Variants in ZNF331 observed in about 807,000 individuals in gnomAD.
The protein encoded by ZNF331 is C2H2-like zinc finger protein rearranged in thyroid adenomas.
Under a neutral mutation model 7.0 loss-of-function variants are expected in ZNF331, and 2 were observed. The ratio of observed to expected loss-of-function variants is 0.29; its 90% CI spans 0.12 to 0.90. ZNF331 has a LOEUF of 0.90. ZNF331 is among the 40% of genes least tolerant of loss of function. The pLI, the probability that ZNF331 is intolerant of heterozygous loss-of-function variation, is 0.58. For missense variants in ZNF331, 432 were observed against 587.7 expected, an observed-to-expected ratio of 0.74 and a Z score of 2.74; for synonymous variants, 196 against 205.4, an observed-to-expected ratio of 0.95 and a Z score of 0.39.
chr19:53,566,801 G>A (rs1210952047), intron 3 of ZNF331, among the ~76,000 whole-genome samples: 1 of 140,236 alleles, frequency 7.1e-6, no homozygotes, highest in Non-Finnish European at 1.6e-5. Flanking sequence ...TTTGCATAAG[G>A]GGTCGTAGAA....
At chr19:53,576,546 G>A in intron 5 of ZNF331, 151 bp from the exon 6 acceptor site, 1 of 645,418 alleles carries the variant, frequency 1.5e-6, no homozygotes, top group Non-Finnish European at 2.6e-6. Flanking sequence ...TGTACCAGAA[G>A]TAGAATCTAC....
intron 3 of ZNF331, among the ~76,000 whole-genome samples, chr19:53,568,378 G>A (rs1408850532): frequency 2.0e-5 from 3 of 152,058 alleles, no homozygotes; most frequent in South Asian, 2.1e-4. Context: ...ACCAACTATC[G>A]CCAACTAGAG....
Position 53,578,319 on chromosome 19 carries a change from A to AT in ZNF331, c.*369dup, listed in dbSNP as rs2090810261. 3.9e-6 allele frequency: 1 copy of AT among 253,756 alleles called. No homozygotes were observed. Among genetic ancestry groups the AT allele is most frequent in the African/African-American group, 2.2e-5 (1 of 46,126 alleles). 15.7% of individuals were successfully genotyped at this position (253,756 alleles called of 1,614,324 possible). ...GAGAGCAGGAGTAGTGATGCTGGTGATTCGGATATGCCAAAGAGAAGCCAC... is the reference window on the plus strand; with the variant it reads ...GAGAGCAGGAGTAGTGATGCTGGTGATTTCGGATATGCCAAAGAGAAGCCAC... On this transcript the variant is annotated 3_prime_UTR_variant, in exon 6 of 6. Transcript: ENST00000449416.
Position 53,558,880 on chromosome 19 carries a change from ATATACACACATATACACACC to A in ZNF331, c.-74+2982_-74+3001del, listed in dbSNP as rs1429089706. On this transcript the variant is annotated intron_variant, in intron 3 of 5. Transcript: ENST00000449416. The surrounding 1 kb of genome is among the most constrained non-coding windows in gnomAD (Gnocchi z 4.5). ...ACACATATACACACACATACCCCAT[ATATACACACATATACACACC>A]TATACACACCTACATATATACACAC... Among the ~76,000 whole-genome samples the A allele has an allele frequency of 8.7e-6, 1 of 114,306 alleles. No homozygotes were observed. The highest frequency in any genetic ancestry group is 1.7e-5 in the Non-Finnish European group (1 of 58,586). The allele number at this position is 114,306 out of a possible 152,430, so 75.0% of individuals were successfully genotyped here.
At chr19:53,559,770 A>G (rs1436127356) in intron 3 of ZNF331, among the ~76,000 whole-genome samples, 4 of 62,224 alleles carry the variant, frequency 6.4e-5, no homozygotes, top group Non-Finnish European at 1.2e-4. Flanking sequence ...ACACATACCC[A>G]TATATACATA....
chr19:53,575,139 A>T (rs1329026545), intron 5 of ZNF331, among the ~76,000 whole-genome samples: 1 of 151,178 alleles, frequency 6.6e-6, no homozygotes, highest in Non-Finnish European at 1.5e-5. Context: ...GGGTTTTGCT[A>T]TGTTTCCCAG....
In ZNF331 at chr19:53,539,002, CAG is replaced by C. The variant is rs146553572; in HGVS notation, c.-204-213_-204-212del. ...CTGTGCATGCAGGCCACCTGAGTGA[CAG>C]GGGACGGTGGCCTCAGGAGTAGAAT... On this transcript the variant is annotated intron_variant, in intron 1 of 5. Coordinates refer to ENST00000449416, the MANE Select transcript of ZNF331 (RefSeq NM_001079906.2). The surrounding 1 kb of genome is among the most constrained non-coding windows in gnomAD (Gnocchi z 6.1). 0.02 allele frequency: 2,996 copies of C among 152,340 alleles called. 49 individuals are homozygous for C. Among genetic ancestry groups the C allele is most frequent in the South Asian group, 0.061 (293 of 4,828 alleles). The allele number at this position is 152,340 out of a possible 1,614,324, so 9.4% of individuals were successfully genotyped here.
Position 53,573,586 on chromosome 19 carries a change from T to C in ZNF331, c.136+1856T>C, listed in dbSNP as rs1385505005. ...GGGCTCAAGCAATCTTCCTGCCTCA[T>C]CTCCCTGAGTAGCAGGGACCACAGG... On this transcript the variant is annotated intron_variant, in intron 5 of 5. Transcript: ENST00000449416. This position sits in a 1 kb window ranked among gnomAD's most constrained non-coding sequence, Gnocchi z 4.2. Among the ~76,000 whole-genome samples the C allele has an allele frequency of 1.3e-5, 2 of 151,900 alleles. No individual in the cohort carries two copies. Among genetic ancestry groups the C allele is most frequent in the African/African-American group, 4.8e-5 (2 of 41,368 alleles).
chr19:53,577,610 G>A lies in ZNF331; in HGVS notation c.1050G>A (p.Thr350=), dbSNP rs773068094. ...TCGTTAAGCACGAGAGGATACATAC[G>A]GGCGAGAAGCCGTACAAGTGCACAG... ...SSLVKHERIH[T]GEKPYKCTEC... Residue 350 remains threonine (T), a synonymous_variant, in exon 6 of 6, where the codon ACG becomes ACA. Coordinates refer to ENST00000449416, the MANE Select transcript of ZNF331 (RefSeq NM_001079906.2). 9.3e-6 allele frequency: 15 copies of A among 1,612,742 alleles called. No individual in the cohort carries two copies. Among genetic ancestry groups the A allele is most frequent in the Middle Eastern group, 1.6e-4 (1 of 6,076 alleles).
chr19:53,545,700 G>T (rs1334185717), intron 2 of ZNF331, among the ~76,000 whole-genome samples: 1 of 152,190 alleles, frequency 6.6e-6, no homozygotes, highest in African/African-American at 2.4e-5. Flanking sequence ...TTCCAACAGT[G>T]TGGTACCTGC....
At chr19:53,508,056 A>C in the ZNF331 span, among the ~76,000 whole-genome samples, 149 of 152,302 alleles carry the variant, frequency 9.8e-4, 1 homozygote, top group African/African-American at 3.2e-3. Context: ...AACTGGAAAC[A>C]ATCTCAGCTG....
Position 53,577,053 on chromosome 19 carries a change from A to C in ZNF331, c.493A>C (p.Lys165Gln). ...GAAACCTTATGAATGTAAAGAATGT[A>C]AGAAGGCCTTCCGTTGGGGCAATCA... ...GEKPYECKECKKAFRWGNQLT... is the reference protein window; with the variant it reads ...GEKPYECKECQKAFRWGNQLT... Residue 165 changes from lysine (K) to glutamine (Q), a missense_variant, in exon 6 of 6, where the codon AAG becomes CAG. Lys to Gln is a moderately conservative substitution (Grantham distance 53, BLOSUM62 1). This residue lies in a region of ZNF331 where 312 missense variants were observed against 448.6 expected (regional missense o/e 0.70). Coordinates refer to ENST00000449416, the MANE Select transcript of ZNF331 (RefSeq NM_001079906.2). 6.2e-7 allele frequency: 1 copy of C among 1,613,610 alleles called. No individual in the cohort carries two copies. Among genetic ancestry groups the C allele is most frequent in the Non-Finnish European group, 8.5e-7 (1 of 1,179,746 alleles).
exon 1 of ZNF331, chr19:53,521,146 C>T (rs1409457359): frequency 6.6e-6 from 1 of 152,236 alleles, no homozygotes; most frequent in Non-Finnish European, 1.5e-5. Context: ...CCTTGTTTCA[C>T]CTCCTGATGT....
chr19:53,540,359 G>A (rs925864840), intron 2 of ZNF331, among the ~76,000 whole-genome samples: 5 of 152,162 alleles, frequency 3.3e-5, no homozygotes, highest in Admixed American at 3.3e-4. Flanking sequence ...CTCTCACGGA[G>A]GACATGTGTG....
intron 5 of ZNF331, among the ~76,000 whole-genome samples, chr19:53,575,721 T>A (rs1386167565): frequency 1.3e-5 from 2 of 151,306 alleles, no homozygotes; most frequent in Non-Finnish European, 2.9e-5. Context: ...TCTAGCTCTG[T>A]CACCCAGGCT....
intron 2 of ZNF331, among the ~76,000 whole-genome samples, chr19:53,548,577 T>C (rs1486932801): frequency 6.6e-6 from 1 of 152,170 alleles, no homozygotes; most frequent in Admixed American, 6.5e-5. Flanking sequence ...TATTAACCCC[T>C]TATCAGATAT....
rs866253517 is a variant in ZNF331 at position 53,577,473 on chromosome 19, G to A, written c.913G>A (p.Gly305Arg). The change falls in exon 6 of 6, where the codon GGG becomes AGG. Residue 305 changes from glycine (G) to arginine (R), a missense_variant. By Grantham distance (125) the Gly-to-Arg change is moderately radical. This residue lies in a region of ZNF331 where 312 missense variants were observed against 448.6 expected (regional missense o/e 0.70). Transcript: ENST00000449416. Reference sequence around the variant, plus strand: ...GAAACCCTATGAATGTCAAGAATGTGGGAAGGCCTTTACTCGAGTCAATTA... The same window carrying A: ...GAAACCCTATGAATGTCAAGAATGTAGGAAGGCCTTTACTCGAGTCAATTA... ...GEKPYECQEC[G>R]KAFTRVNYLT... The A allele has an allele frequency of 1.9e-6, 3 of 1,614,186 alleles. No homozygotes were observed. The South Asian group carries it at 3.3e-5, about 18-fold the overall frequency.
chr19:53,534,499 C>G (rs2087664266), upstream of ZNF331, among the ~76,000 whole-genome samples: 1 of 152,138 alleles, frequency 6.6e-6, no homozygotes, highest in South Asian at 2.1e-4. Context: ...GTTGGCCAGG[C>G]TGGTCTCGAA....
chr19:53,512,124 C>CT, the ZNF331 span: 3 of 152,314 alleles, frequency 2.0e-5, no homozygotes, highest in Non-Finnish European at 2.9e-5. Context: ...CCAACAGGGT[C>CT]TGTTATCTCC....
Sources: allele counts gnomAD v4.1 joint callset (sites outside exome capture counted in the v4.1 genomes callset), GRCh38; gene constraint gnomAD v4.1.1; regional missense constraint gnomAD v4.1.1; non-coding constraint Gnocchi (gnomAD v3.1); transcripts MANE v1.5; gene names NCBI Gene and HGNC (gene_info 2026-07-23, HGNC 2026-07-21).